The following FBRSL1 variants were observed in gnomAD, a reference collection of about 807,000 sequenced individuals.
The protein encoded by FBRSL1 is fibrosin-1-like protein.
A neutral mutation model predicts 89.6 loss-of-function variants in FBRSL1; 51 were observed. The observed-to-expected ratio is 0.57, with a 90% CI of 0.45 to 0.72. The LOEUF (loss-of-function observed/expected upper bound fraction) is 0.72. FBRSL1 is among the 30% of genes least tolerant of loss of function. FBRSL1 has a pLI of 0.00. For missense variants in FBRSL1, 1,618 were observed against 1,451.8 expected (o/e 1.11, Z -1.86); for synonymous variants, 779 against 681.1 (o/e 1.14, Z -2.24).
In FBRSL1 at chr12:132,499,919, T is replaced by G. The variant is rs2032689962; in HGVS notation, c.292-8234T>G. 6.6e-6 allele frequency among the ~76,000 whole-genome samples: 1 copy of G among 151,984 alleles called. No homozygotes were observed. The highest frequency in any genetic ancestry group is 6.6e-5 in the Admixed American group (1 of 15,260). Reference sequence around the variant, plus strand: ...CTGATCTGGTTTGTGAGCTGGCCTGTGGGGTGGATGGGGTTCCCCAGAGCT... The same window carrying G: ...CTGATCTGGTTTGTGAGCTGGCCTGGGGGGTGGATGGGGTTCCCCAGAGCT... On this transcript the variant is annotated intron_variant, in intron 1 of 18. Coordinates refer to ENST00000680143, the MANE Select transcript of FBRSL1 (RefSeq NM_001367871.1). This position sits in a 1 kb window ranked among gnomAD's most constrained non-coding sequence, Gnocchi z 4.3.
chr12:132,575,990 T>C (rs549053804), intron 14 of FBRSL1, among the ~76,000 whole-genome samples: 2 of 152,134 alleles, frequency 1.3e-5, no homozygotes, highest in African/African-American at 4.8e-5. Context: ...GCATCCCCAG[T>C]CTCCACCCAA....
intron 5 of FBRSL1, among the ~76,000 whole-genome samples, chr12:132,559,397 T>G (rs2038926312): frequency 6.6e-6 from 1 of 152,138 alleles, no homozygotes; most frequent in Non-Finnish European, 1.5e-5. Context: ...GGTCGCTCTT[T>G]TTTCCTTTTT....
In FBRSL1 at chr12:132,583,153, A is replaced by C; in HGVS notation, c.2384A>C (p.Lys795Thr). 1 of 1,463,944 alleles carries C rather than the reference A, an allele frequency of 6.8e-7. No individual in the cohort carries two copies. The highest frequency in any genetic ancestry group is 9.0e-7 in the Non-Finnish European group (1 of 1,112,188). 90.7% of individuals were successfully genotyped at this position (1,463,944 alleles called of 1,614,324 possible). The change falls in exon 19 of 19, where the codon AAG (lysine) becomes ACG (threonine). Residue 795 changes from lysine to threonine, a missense_variant. Transcript: ENST00000680143. ...TCCCCGGCCAAGGAGGAGGCCGCCA[A>C]GATGCCCGCGCGCGCATCCCCGCCC... ...SRSPAKEEAAKMPARASPPHS... is the reference protein window; with the variant it reads ...SRSPAKEEAATMPARASPPHS...
intron 4 of FBRSL1, among the ~76,000 whole-genome samples, chr12:132,530,611 C>A (rs1405481975): frequency 6.6e-6 from 1 of 151,938 alleles, no homozygotes; most frequent in African/African-American, 2.4e-5. Context: ...CAAGTCTTCT[C>A]CCCAGAGCAC....
At position 132,547,837 on chromosome 12, in the gene FBRSL1, G is replaced by C. The variant is rs188823329; in HGVS notation, c.616-166G>C. Among the ~76,000 whole-genome samples the C allele has an allele frequency of 3.3e-5, 5 of 152,252 alleles. No individual in the cohort carries two copies. In the East Asian group the frequency reaches 9.7e-4, roughly 29 times the overall value. ...TGGTGCAGCACTGGGCCCTGGCCCAGGTTCCTCCTAACCGCCCCGACCACC... is the reference window on the plus strand; with the variant it reads ...TGGTGCAGCACTGGGCCCTGGCCCACGTTCCTCCTAACCGCCCCGACCACC... On this transcript the variant is annotated intron_variant, in intron 4 of 18. Transcript: ENST00000680143.
intron 2 of FBRSL1, among the ~76,000 whole-genome samples, chr12:132,517,001 T>C (rs1182446587): frequency 1.3e-5 from 2 of 152,212 alleles, no homozygotes; most frequent in Non-Finnish European, 2.9e-5. Flanking sequence ...ATTCTCAGAG[T>C]AATTTCTCCC....
intron 3 of FBRSL1, among the ~76,000 whole-genome samples, chr12:132,526,985 C>T (rs2035839144): frequency 6.6e-6 from 1 of 152,170 alleles, no homozygotes; most frequent in African/African-American, 2.4e-5. Flanking sequence ...ACCTCAGCAG[C>T]CCCTGCAGGC....
intron 18 of FBRSL1, among the ~76,000 whole-genome samples, 179 bp downstream of exon 18, chr12:132,582,445 C>T (rs2040837945): frequency 6.6e-6 from 1 of 150,906 alleles, no homozygotes; most frequent in Admixed American, 6.6e-5. Context: ...TCTCACCCTC[C>T]TCGCCCCACT....
chr12:132,490,762 G>T lies in FBRSL1; in HGVS notation c.192G>T (p.Ala64=). The change falls in exon 1 of 19, where the codon GCG becomes GCT. Residue 64 remains alanine (A), a synonymous_variant. Transcript: ENST00000680143. ...PRGAAPAPRT[A]RPPRRRRRES... is the part of the protein sequence containing the mutation. Reference sequence around the variant, plus strand: ...GCGCCGCCCCCGCGCCCCGCACCGCGCGTCCCCCGCGCCGCCGCCGCCGCG... The same window carrying T: ...GCGCCGCCCCCGCGCCCCGCACCGCTCGTCCCCCGCGCCGCCGCCGCCGCG... 1 of 1,128,568 alleles carries T rather than the reference G, an allele frequency of 8.9e-7. No homozygotes were observed. The highest frequency in any genetic ancestry group is 1.1e-6 in the Non-Finnish European group (1 of 926,348). The allele number at this position is 1,128,568 out of a possible 1,614,324, so 69.9% of individuals were successfully genotyped here.
At position 132,583,501 on chromosome 12, in the gene FBRSL1, C is replaced by T; in HGVS notation, c.2732C>T (p.Pro911Leu). Residue 911 changes from proline to leucine, a missense_variant, in exon 19 of 19, where the codon CCG becomes CTG. Transcript: ENST00000680143. ...GAGCGCGCGCGGGCCCCGCACCTGC[C>T]GCCCGCCGCCCCCGCCTTGGACGGC... is the stretch of plus-strand genomic sequence containing the variant. ...ELERARAPHLPPAAPALDGAL... is the reference protein window; with the variant it reads ...ELERARAPHLLPAAPALDGAL... The T allele has an allele frequency of 9.6e-7, 1 of 1,043,486 alleles. No homozygotes were observed. The highest frequency in any genetic ancestry group is 1.2e-6 in the Non-Finnish European group (1 of 867,014). 64.6% of individuals were successfully genotyped at this position (1,043,486 alleles called of 1,614,324 possible).
chr12:132,557,864 A>ATGGCAGCACAGC (rs1331783627), intron 5 of FBRSL1, among the ~76,000 whole-genome samples: 1 of 152,184 alleles, frequency 6.6e-6, no homozygotes, highest in African/African-American at 2.4e-5. Flanking sequence ...GAAGGAGCTG[A>ATGGCAGCACAGC]TGGCAGCACA....
At chr12:132,545,344 C>T (rs529157442) in intron 4 of FBRSL1, among the ~76,000 whole-genome samples, 16 of 152,362 alleles carry the variant, frequency 1.1e-4, no homozygotes, top group African/African-American at 3.4e-4. Flanking sequence ...CTTTTCTCCT[C>T]GCCCTGATTA....
chr12:132,520,733 G>A (rs1346660943), intron 2 of FBRSL1, among the ~76,000 whole-genome samples: 2 of 152,214 alleles, frequency 1.3e-5, no homozygotes, highest in Admixed American at 1.3e-4. Context: ...CTCTGCTCTT[G>A]CTGAATGTGA....
At chr12:132,572,489 C>T (rs1215144579) in intron 10 of FBRSL1, 38 bp from the exon 11 acceptor site, 2 of 1,519,170 alleles carry the variant, frequency 1.3e-6, no homozygotes, top group African/African-American at 2.8e-5. Context: ...GGGGTGAGGA[C>T]TTGGGCCCCC....
In FBRSL1 at chr12:132,499,962, G is replaced by A. The variant is rs1157152171; in HGVS notation, c.292-8191G>A. ...CCAGAGCTGTGCTGGCGTCAGGGAG[G>A]AGGCTGGGTGGGCTACTGGGCTCTC... On this transcript the variant is annotated intron_variant, in intron 1 of 18. Coordinates refer to ENST00000680143, the MANE Select transcript of FBRSL1 (RefSeq NM_001367871.1). The surrounding 1 kb of genome is among the most constrained non-coding windows in gnomAD (Gnocchi z 4.3). Among the ~76,000 whole-genome samples, 2 of 152,148 alleles carry A rather than the reference G, an allele frequency of 1.3e-5. No individual in the cohort carries two copies. The highest frequency in any genetic ancestry group is 2.1e-4 in the South Asian group (1 of 4,828).
chr12:132,498,648 G>A (rs1040820242), intron 1 of FBRSL1, among the ~76,000 whole-genome samples: 5 of 152,210 alleles, frequency 3.3e-5, no homozygotes, highest in Non-Finnish European at 7.3e-5. Context: ...GAGGTGCCGG[G>A]GCCCCTTGAG....
rs1042293509 is a variant in FBRSL1 at position 132,583,515 on chromosome 12, G to A, written c.2746G>A (p.Ala916Thr). Residue 916 changes from alanine (A) to threonine (T), a missense_variant, in exon 19 of 19, where the codon GCC becomes ACC. Physicochemically the swap from Ala to Thr is moderately conservative, Grantham distance 58. Transcript: ENST00000680143. ...CCCGCACCTGCCGCCCGCCGCCCCC[G>A]CCTTGGACGGCGCGCTGCTGCCCTC... is the stretch of plus-strand genomic sequence containing the variant. ...RAPHLPPAAP[A>T]LDGALLPSLG... 14 of 1,046,608 alleles carry A rather than the reference G, an allele frequency of 1.3e-5. No individual in the cohort carries two copies. The highest frequency in any genetic ancestry group is 1.6e-5 in the Non-Finnish European group (14 of 868,976). The allele number at this position is 1,046,608 out of a possible 1,614,324, so 64.8% of individuals were successfully genotyped here.
chr12:132,510,295 G>T (rs1261208850), intron 2 of FBRSL1: 2 of 1,230,446 alleles, frequency 1.6e-6, no homozygotes, highest in African/African-American at 3.1e-5. Flanking sequence ...TGCCAGCCGC[G>T]GCGGTCCCTA....
At chr12:132,508,038 G>A (rs2033895700) in intron 1 of FBRSL1, 115 bp from the exon 2 acceptor site, 3 of 1,051,342 alleles carry the variant, frequency 2.9e-6, no homozygotes, top group Non-Finnish European at 4.1e-6. Context: ...TTCCCTCTGA[G>A]GTGCCCCTCC....
Sources: allele counts gnomAD v4.1 joint callset (sites outside exome capture counted in the v4.1 genomes callset), GRCh38; gene constraint gnomAD v4.1.1; non-coding constraint Gnocchi (gnomAD v3.1); transcripts MANE v1.5; gene names NCBI Gene and HGNC (gene_info 2026-07-23, HGNC 2026-07-21).